The following CFAP299 variants were observed in gnomAD, a reference collection of about 807,000 sequenced individuals.
CFAP299 encodes cilia- and flagella-associated protein 299.
CFAP299 carries 21 observed loss-of-function variants against 27.0 expected under a neutral mutation model. The observed-to-expected ratio is 0.78, with a 90% CI of 0.55 to 1.12. The LOEUF is 1.12. CFAP299 is among the 50% of genes most tolerant of loss of function. The probability of loss-of-function intolerance (pLI) is 0.00; values close to 1 mark genes in which losing one functional copy is unlikely to be tolerated. For synonymous variants in CFAP299, 104 were observed against 98.1 expected (o/e 1.06, Z -0.36); for missense variants, 310 against 276.6 (o/e 1.12, Z -0.86).
At chr4:80,519,210 G>T (rs553602759) in intron 2 of CFAP299, among the ~76,000 whole-genome samples, 141 of 152,020 alleles carry the variant, frequency 9.3e-4, no homozygotes, top group Non-Finnish European at 1.8e-3. Flanking sequence ...GTGTGTGTGT[G>T]TGTGCATGTG....
chr4:80,413,572 A>C (rs1187595405), intron 2 of CFAP299, among the ~76,000 whole-genome samples: 1 of 152,192 alleles, frequency 6.6e-6, no homozygotes, highest in Non-Finnish European at 1.5e-5. Flanking sequence ...AAACTGGAGG[A>C]ACTATAGAGA....
At chr4:80,869,897 A>T in intron 3 of CFAP299, 96 bp from the exon 4 acceptor site, 1 of 1,148,954 alleles carries the variant, frequency 8.7e-7, no homozygotes, top group Non-Finnish European at 1.2e-6. Flanking sequence ...TCCTATGGTC[A>T]CTCATATTAG....
intron 3 of CFAP299, among the ~76,000 whole-genome samples, chr4:80,657,044 A>C (rs1158887331): frequency 6.6e-6 from 1 of 151,324 alleles, no homozygotes; most frequent in African/African-American, 2.4e-5. Flanking sequence ...GTGTCTGTTC[A>C]TATCCTTTGC....
At chr4:80,361,863 G>A (rs935505678) in intron 1 of CFAP299, among the ~76,000 whole-genome samples, 1 of 151,942 alleles carries the variant, frequency 6.6e-6, no homozygotes, top group Non-Finnish European at 1.5e-5. Context: ...TAGTAATTAA[G>A]TCTTCATAAT....
chr4:80,886,981 A>G (rs946141015), intron 4 of CFAP299, among the ~76,000 whole-genome samples: 1 of 152,148 alleles, frequency 6.6e-6, no homozygotes, highest in African/African-American at 2.4e-5. Flanking sequence ...TTGATCAAGC[A>G]GAAGAAAGTA....
intron 2 of CFAP299, among the ~76,000 whole-genome samples, chr4:80,413,345 T>A (rs1349690396): frequency 6.6e-6 from 1 of 152,196 alleles, no homozygotes; most frequent in Non-Finnish European, 1.5e-5. Flanking sequence ...TGAGAGAAGA[T>A]AACAAGACTG....
chr4:80,602,687 A>G (rs1389634155), intron 3 of CFAP299, among the ~76,000 whole-genome samples: 1 of 152,260 alleles, frequency 6.6e-6, no homozygotes, highest in South Asian at 2.1e-4. Context: ...AGCTGGCTCA[A>G]CAAATCTATT....
intron 4 of CFAP299, among the ~76,000 whole-genome samples, chr4:80,877,038 G>A (rs1350633871): frequency 6.6e-6 from 1 of 152,064 alleles, no homozygotes; most frequent in African/African-American, 2.4e-5. Context: ...TGTCCCCACA[G>A]CTTTGTGTGT....
chr4:80,637,041 A>G (rs1739489927), intron 3 of CFAP299, among the ~76,000 whole-genome samples: 1 of 152,214 alleles, frequency 6.6e-6, no homozygotes, highest in Non-Finnish European at 1.5e-5. Flanking sequence ...CTCTGAATCA[A>G]TAAATAAAAC....
intron 5 of CFAP299, among the ~76,000 whole-genome samples, chr4:80,954,556 C>G (rs997120626): frequency 6.6e-6 from 1 of 152,026 alleles, no homozygotes; most frequent in Admixed American, 6.6e-5. Flanking sequence ...TCTCAAATAG[C>G]TGAAGCAAGA....
the CFAP299 span, among the ~76,000 whole-genome samples, chr4:80,322,242 G>A: frequency 3.3e-5 from 5 of 152,144 alleles, no homozygotes; most frequent in African/African-American, 9.7e-5. Context: ...ATCTGCAGCC[G>A]AGCTGCTAAA....
intron 2 of CFAP299, among the ~76,000 whole-genome samples, chr4:80,448,261 G>C (rs920532548): frequency 1.3e-5 from 2 of 152,220 alleles, no homozygotes; most frequent in African/African-American, 4.8e-5. Context: ...AATCTTAGGA[G>C]CTATATGGGT....
At chr4:80,698,903 C>G (rs936719755) in intron 3 of CFAP299, among the ~76,000 whole-genome samples, 3 of 152,114 alleles carry the variant, frequency 2.0e-5, no homozygotes, top group Non-Finnish European at 4.4e-5. Context: ...CACCAGGTCC[C>G]CCTTCAACAC....
chr4:80,526,960 A>C (rs749776498), intron 2 of CFAP299, among the ~76,000 whole-genome samples: 7 of 152,258 alleles, frequency 4.6e-5, no homozygotes, highest in Middle Eastern at 3.4e-3. Context: ...GGGTGTAGTG[A>C]ATGAGAGCAA....
chr4:80,547,427 C>A (rs967422930), intron 2 of CFAP299, among the ~76,000 whole-genome samples: 3 of 151,962 alleles, frequency 2.0e-5, no homozygotes, highest in Non-Finnish European at 1.5e-5. Flanking sequence ...TTTAAAAAAT[C>A]CCTAGAAGAA....
intron 4 of CFAP299, among the ~76,000 whole-genome samples, chr4:80,928,972 A>G (rs191612544): frequency 8.5e-5 from 13 of 152,254 alleles, no homozygotes; most frequent in African/African-American, 1.2e-4. Flanking sequence ...CATTTCTTCA[A>G]TGATGATGTT....
At chr4:80,370,370 C>A in intron 2 of CFAP299, among the ~76,000 whole-genome samples, 1 of 152,168 alleles carries the variant, frequency 6.6e-6, no homozygotes, top group East Asian at 1.9e-4. Context: ...AATCTCATGT[C>A]CCTCTCACAT....
Position 80,884,549 on chromosome 4 carries a change from G to GA in CFAP299, c.476+14420dup, listed in dbSNP as rs1301067952. On this transcript the variant is annotated intron_variant, in intron 4 of 5. Coordinates refer to ENST00000358105, the MANE Select transcript of CFAP299 (RefSeq NM_152770.3). ...GTGTAGCAATAAACACCTACATTCA[G>GA]AAAAAACAAAATATTTCAAATAACC... 1.8e-4 allele frequency among the ~76,000 whole-genome samples: 26 copies of GA among 147,446 alleles called. No homozygotes were observed. In the East Asian group the frequency reaches 4.2e-3, roughly 24 times the overall value.
chr4:80,803,471 A>G (rs1728712854), intron 3 of CFAP299, among the ~76,000 whole-genome samples: 1 of 152,042 alleles, frequency 6.6e-6, no homozygotes, highest in African/African-American at 2.4e-5. Flanking sequence ...CATAGGGTGT[A>G]TACCAAACTG....
Sources: allele counts gnomAD v4.1 joint callset (sites outside exome capture counted in the v4.1 genomes callset), GRCh38; gene constraint gnomAD v4.1.1; transcripts MANE v1.5; gene names NCBI Gene and HGNC (gene_info 2026-07-23, HGNC 2026-07-21).